The following HAT1 variants were observed in gnomAD, a reference collection of about 807,000 sequenced individuals.
The protein encoded by HAT1 is histone acetyltransferase type B catalytic subunit.
In HAT1, 20 loss-of-function variants were observed where a neutral mutation model predicts 56.6. That is an observed-to-expected ratio of 0.35 (90% CI 0.25 to 0.51). The LOEUF (loss-of-function observed/expected upper bound fraction) is 0.51. Among genes scored for constraint, HAT1 ranks in the 20% least tolerant of loss-of-function variants. The pLI, the probability that HAT1 is intolerant of heterozygous loss-of-function variation, is 0.95. For synonymous variants in HAT1, 146 were observed against 165.5 expected, an observed-to-expected ratio of 0.88 and a Z score of 0.91; for missense variants, 408 against 504.3, an observed-to-expected ratio of 0.81 and a Z score of 1.83.
At chr2:171,975,645 T>A (rs1422615772) in intron 8 of HAT1, among the ~76,000 whole-genome samples, 1 of 152,238 alleles carries the variant, frequency 6.6e-6, no homozygotes, top group African/African-American at 2.4e-5. Flanking sequence ...TTTGTTGGCA[T>A]AAAGTTCATG....
At chr2:171,952,240 C>A (rs2105324517) in intron 3 of HAT1, among the ~76,000 whole-genome samples, 1 of 152,306 alleles carries the variant, frequency 6.6e-6, no homozygotes, top group South Asian at 2.1e-4. Context: ...AATTTACTTT[C>A]TGTCTCTATA....
intron 4 of HAT1, among the ~76,000 whole-genome samples, chr2:171,963,233 A>C (rs1687614163): frequency 1.3e-5 from 2 of 150,172 alleles, no homozygotes; most frequent in South Asian, 4.1e-4. Context: ...ATATTTATAT[A>C]ATTATATAAA....
chr2:171,929,351 A>G (rs1686680049), intron 2 of HAT1, among the ~76,000 whole-genome samples: 2 of 152,176 alleles, frequency 1.3e-5, no homozygotes, highest in Admixed American at 6.5e-5. Flanking sequence ...TTATTTACCT[A>G]CATATTCTGG....
intron 9 of HAT1, among the ~76,000 whole-genome samples, chr2:171,977,558 T>TATATATATATATATATA (rs1491530330): frequency 1.1e-3 from 10 of 9,436 alleles, no homozygotes; most frequent in Admixed American, 2.3e-3. Context: ...TATATATATA[T>TATATATATATATATATA]TTTTTTTTTT....
chr2:171,961,582 C>G (rs199591220), intron 4 of HAT1, among the ~76,000 whole-genome samples: 2 of 150,624 alleles, frequency 1.3e-5, no homozygotes, highest in Non-Finnish European at 2.9e-5. Flanking sequence ...CTACATACTT[C>G]CAGAAATTTC....
intron 2 of HAT1, among the ~76,000 whole-genome samples, chr2:171,944,908 A>G (rs147302818): frequency 0.98 from 149,716 of 152,310 alleles, 73,648 homozygotes; most frequent in Middle Eastern, 1. Context: ...GTCTCGCTCG[A>G]TCACCCAGGC....
intron 4 of HAT1, among the ~76,000 whole-genome samples, chr2:171,963,159 TAA>T (rs1687612498): frequency 6.6e-6 from 1 of 150,976 alleles, no homozygotes; most frequent in South Asian, 2.1e-4. Flanking sequence ...TATTTGGTTT[TAA>T]GTTGTATATT....
Position 171,979,316 on chromosome 2 carries a change from A to G in HAT1, c.1045A>G (p.Arg349Gly). 1 of 1,605,874 alleles carries G rather than the reference A, an allele frequency of 6.2e-7. No individual in the cohort carries two copies. The highest frequency in any genetic ancestry group is 8.5e-7 in the Non-Finnish European group (1 of 1,172,722). Residue 349 changes from arginine to glycine, a missense_variant, in exon 10 of 11, where the codon AGA (arginine) becomes GGA (glycine). By Grantham distance (125) the Arg-to-Gly change is moderately radical. Transcript: ENST00000264108. ...TGACATGAGTGATGCCGAACAATACAGAAGCTACAGACTGGATATTAAAAG... is the reference window on the plus strand; with the variant it reads ...TGACATGAGTGATGCCGAACAATACGGAAGCTACAGACTGGATATTAAAAG... ...VTDMSDAEQY[R>G]SYRLDIKRRL...
chr2:171,938,188 G>A (rs1024841698), intron 2 of HAT1, among the ~76,000 whole-genome samples: 1 of 152,040 alleles, frequency 6.6e-6, no homozygotes, highest in Non-Finnish European at 1.5e-5. Flanking sequence ...GGCTAGAGGA[G>A]TTCAAAACCA....
intron 2 of HAT1, among the ~76,000 whole-genome samples, chr2:171,943,827 A>C (rs1281921112): frequency 6.6e-6 from 1 of 151,292 alleles, no homozygotes; most frequent in Non-Finnish European, 1.5e-5. Flanking sequence ...TGGTTTCCCT[A>C]GTTGCCATCA....
chr2:171,934,155 G>C (rs1686809162), intron 2 of HAT1, among the ~76,000 whole-genome samples: 1 of 151,996 alleles, frequency 6.6e-6, no homozygotes, highest in South Asian at 2.1e-4. Context: ...AACCCATCTT[G>C]CCTCATATTT....
chr2:171,962,363 G>T (rs1687595259), intron 4 of HAT1, among the ~76,000 whole-genome samples: 1 of 152,176 alleles, frequency 6.6e-6, no homozygotes, highest in South Asian at 2.1e-4. Context: ...ATTTGTAAGA[G>T]ATGTCTTTGT....
intron 2 of HAT1, among the ~76,000 whole-genome samples, chr2:171,937,112 G>A (rs115465785): frequency 0.015 from 2,335 of 152,106 alleles, 36 homozygotes; most frequent in Non-Finnish European, 0.026. Flanking sequence ...GTGCCACCAC[G>A]CCCAGTGAAT....
At chr2:171,981,461 G>T (rs1688131981) in intron 10 of HAT1, among the ~76,000 whole-genome samples, 1 of 152,032 alleles carries the variant, frequency 6.6e-6, no homozygotes, top group South Asian at 2.1e-4. Flanking sequence ...ATTTGCCATG[G>T]ATTCTGCTTT....
intron 2 of HAT1, among the ~76,000 whole-genome samples, chr2:171,931,675 G>T (rs369138168): frequency 6.6e-6 from 1 of 152,086 alleles, no homozygotes; most frequent in Non-Finnish European, 1.5e-5. Flanking sequence ...CTGTGTCTCG[G>T]GGGGGAAAAA....
At chr2:171,936,073 G>T (rs1394434983) in intron 2 of HAT1, among the ~76,000 whole-genome samples, 1 of 152,044 alleles carries the variant, frequency 6.6e-6, no homozygotes, top group Non-Finnish European at 1.5e-5. Flanking sequence ...TTCTTGGGGA[G>T]GAATCAAGGA....
rs572114627 is a variant in HAT1, at chr2:171,963,531, T to G, written c.310-1807T>G. Among the ~76,000 whole-genome samples, 86 of 152,294 alleles carry G rather than the reference T, an allele frequency of 5.6e-4. 2 individuals carry two copies. The Middle Eastern group carries it at 0.01, about 18-fold the overall frequency. ...TTGAGAAGACAGGACATAAGGAAAG[T>G]TTTTAAAAGTTAAAATTATACATGC... is the stretch of plus-strand genomic sequence containing the variant. On this transcript the variant is annotated intron_variant, in intron 4 of 10. Coordinates refer to ENST00000264108, the MANE Select transcript of HAT1 (RefSeq NM_003642.4).
intron 2 of HAT1, among the ~76,000 whole-genome samples, chr2:171,936,742 A>G (rs1686881933): frequency 6.6e-6 from 1 of 152,110 alleles, no homozygotes; most frequent in Non-Finnish European, 1.5e-5. Flanking sequence ...TTATATAATT[A>G]AGCTTGTTTT....
rs2105336342 is a variant in HAT1, at chr2:171,967,042, C to A, written c.823+93C>A. ...TTTTGTCAGAAATAACTATTTTAAA[C>A]AGCAACATTTTCCTAGGGTGTTTAA... is the stretch of plus-strand genomic sequence containing the variant. On this transcript the variant is annotated intron_variant, in intron 8 of 10. Coordinates refer to ENST00000264108, the MANE Select transcript of HAT1 (RefSeq NM_003642.4). 4 of 645,200 alleles carry A rather than the reference C, an allele frequency of 6.2e-6. No individual in the cohort carries two copies. In the East Asian group the frequency reaches 1.1e-4, roughly 18 times the overall value. 40.0% of individuals were successfully genotyped at this position (645,200 alleles called of 1,614,324 possible).
Sources: allele counts gnomAD v4.1 joint callset (sites outside exome capture counted in the v4.1 genomes callset), GRCh38; gene constraint gnomAD v4.1.1; transcripts MANE v1.5; gene names NCBI Gene and HGNC (gene_info 2026-07-23, HGNC 2026-07-21).